The following PRKG1 variants were observed in gnomAD, a reference collection of about 807,000 sequenced individuals.
PRKG1 encodes the protein cGMP-dependent protein kinase 1.
A neutral mutation model predicts 88.1 loss-of-function variants in PRKG1; 35 were observed. That is an observed-to-expected ratio of 0.40 (90% confidence interval 0.30 to 0.53). PRKG1 has a LOEUF of 0.53. Among genes scored for constraint, PRKG1 ranks in the 20% least tolerant of loss-of-function variants. The probability of loss-of-function intolerance (pLI) is 0.59; values close to 1 mark genes in which losing one functional copy is unlikely to be tolerated. For synonymous variants in PRKG1, 303 were observed against 292.5 expected, an observed-to-expected ratio of 1.04 and a Z score of -0.37; for missense variants, 540 against 839.8, an observed-to-expected ratio of 0.64 and a Z score of 4.41.
At chr10:51,952,078 A>G (rs1843198467) in intron 5 of PRKG1, among the ~76,000 whole-genome samples, 1 of 152,218 alleles carries the variant, frequency 6.6e-6, no homozygotes, top group African/African-American at 2.4e-5. Flanking sequence ...ACTGGCCTAC[A>G]AAGCCTAAAA....
intron 2 of PRKG1, among the ~76,000 whole-genome samples, chr10:51,420,512 C>T (rs372563976): frequency 6.6e-6 from 1 of 152,074 alleles, no homozygotes; most frequent in Non-Finnish European, 1.5e-5. Flanking sequence ...GCCCAGCCCA[C>T]GTCCCTAAAC....
chr10:51,259,864 T>C, intron 2 of PRKG1, among the ~76,000 whole-genome samples: 1 of 152,330 alleles, frequency 6.6e-6, no homozygotes, highest in East Asian at 1.9e-4. Context: ...GTATAAACTA[T>C]AAAAACATGT....
intron 1 of PRKG1, among the ~76,000 whole-genome samples, chr10:51,126,236 A>C (rs12765295): frequency 8.7e-6 from 1 of 115,174 alleles, no homozygotes; most frequent in Non-Finnish European, 1.6e-5. Context: ...TATATTTATA[A>C]TTATATATTT....
At chr10:51,433,427 G>A (rs1288730255) in intron 2 of PRKG1, among the ~76,000 whole-genome samples, 1 of 152,032 alleles carries the variant, frequency 6.6e-6, no homozygotes, top group Non-Finnish European at 1.5e-5. Flanking sequence ...CTATATAAAA[G>A]GATTTGGTTG....
chr10:51,421,145 T>C (rs918179139), intron 2 of PRKG1, among the ~76,000 whole-genome samples: 5 of 151,292 alleles, frequency 3.3e-5, no homozygotes, highest in Non-Finnish European at 7.4e-5. Flanking sequence ...GCTATGGCAC[T>C]CTGTGCCTTT....
chr10:51,149,498 A>T (rs896210511), intron 1 of PRKG1, among the ~76,000 whole-genome samples: 3 of 152,156 alleles, frequency 2.0e-5, no homozygotes, highest in Admixed American at 2.0e-4. Flanking sequence ...TCTCTGTAAT[A>T]AGTAAATGGG....
chr10:52,169,957 T>C (rs776259775), intron 9 of PRKG1, among the ~76,000 whole-genome samples: 4 of 152,144 alleles, frequency 2.6e-5, no homozygotes, highest in Non-Finnish European at 5.9e-5. Flanking sequence ...TGAGACCATC[T>C]CCACGGATAA....
chr10:52,036,707 G>A (rs2133220900), intron 5 of PRKG1, among the ~76,000 whole-genome samples: 1 of 152,238 alleles, frequency 6.6e-6, no homozygotes, highest in African/African-American at 2.4e-5. Context: ...AATAGTCAGG[G>A]AAGCAGACAA....
At chr10:52,017,975 A>G (rs2133184921) in intron 5 of PRKG1, among the ~76,000 whole-genome samples, 1 of 152,150 alleles carries the variant, frequency 6.6e-6, no homozygotes, top group African/African-American at 2.4e-5. Context: ...CTTTTCTCCT[A>G]TTTTCTGGGC....
intron 3 of PRKG1, among the ~76,000 whole-genome samples, chr10:51,683,318 TCAAAACAAAACAAAA>T (rs201618594): frequency 2.7e-5 from 4 of 150,934 alleles, no homozygotes; most frequent in Non-Finnish European, 4.4e-5. Flanking sequence ...AGGCTCTGTC[TCAAAACAAAACAAAA>T]CAAAACAAAA....
chr10:51,531,990 A>G (rs1842030664), intron 3 of PRKG1, among the ~76,000 whole-genome samples: 1 of 152,152 alleles, frequency 6.6e-6, no homozygotes, highest in Admixed American at 6.5e-5. Flanking sequence ...GATTTCTGCT[A>G]GTCCCAGTCT....
chr10:51,384,360 C>T (rs568854787), intron 2 of PRKG1, among the ~76,000 whole-genome samples: 1 of 152,222 alleles, frequency 6.6e-6, no homozygotes, highest in East Asian at 1.9e-4. Context: ...CCATAGGAGC[C>T]TGAGACCTCA....
chr10:52,252,911 C>T (rs529596403), intron 10 of PRKG1: 60 of 151,498 alleles, frequency 4.0e-4, no homozygotes, highest in African/African-American at 1.3e-3. Flanking sequence ...TTAATGTAGC[C>T]ATGGATTTAT....
chr10:51,180,274 T>G (rs1837309549), intron 2 of PRKG1, among the ~76,000 whole-genome samples: 2 of 152,214 alleles, frequency 1.3e-5, no homozygotes, highest in African/African-American at 2.4e-5. Context: ...TCTGTACATG[T>G]AAGGGCTGCT....
rs145021796 is a variant in PRKG1 at position 52,296,321 on chromosome 10, A to G, written c.*2421A>G. On this transcript the variant is annotated 3_prime_UTR_variant, in exon 18 of 18. Coordinates refer to ENST00000373980, the MANE Select transcript of PRKG1 (RefSeq NM_006258.4). ...AGTAGCATTCAGCACAAGAAACTGT[A>G]GATTGTTTCTCCCACTTGTTACTGC... 22 of 152,186 alleles carry G rather than the reference A, an allele frequency of 1.4e-4. No homozygotes were observed. The highest frequency in any genetic ancestry group is 3.4e-3 in the Middle Eastern group (1 of 294). The allele number at this position is 152,186 out of a possible 1,614,324, so 9.4% of individuals were successfully genotyped here. A position where few individuals can be genotyped will look rare whatever the true frequency, so the allele number is the denominator to read the frequency against.
chr10:52,069,542 G>A (rs1049852293), intron 7 of PRKG1, among the ~76,000 whole-genome samples: 10 of 136,564 alleles, frequency 7.3e-5, no homozygotes, highest in Non-Finnish European at 1.2e-4. Flanking sequence ...AAACAAAAAA[G>A]AAAAGATAAA....
intron 3 of PRKG1, among the ~76,000 whole-genome samples, chr10:51,763,800 G>A (rs1196207748): frequency 6.6e-6 from 1 of 151,858 alleles, no homozygotes; most frequent in Non-Finnish European, 1.5e-5. Context: ...AAGTCAAGGG[G>A]CTGTACTTAG....
intron 1 of PRKG1, among the ~76,000 whole-genome samples, chr10:51,084,335 G>A (rs1203271863): frequency 1.3e-5 from 2 of 152,134 alleles, no homozygotes; most frequent in Non-Finnish European, 2.9e-5. Context: ...AGAAGTTGGT[G>A]GTAGGACACT....
At chr10:51,613,755 G>A (rs1007318438) in intron 3 of PRKG1, among the ~76,000 whole-genome samples, 1 of 151,746 alleles carries the variant, frequency 6.6e-6, no homozygotes, top group Non-Finnish European at 1.5e-5. Flanking sequence ...GGTCACTCAA[G>A]AACATGTTGT....
Sources: gnomAD v4.1 joint callset for allele counts (sites outside exome capture counted in the v4.1 genomes callset) on GRCh38, gnomAD v4.1.1 for gene constraint, MANE v1.5 for transcripts, NCBI Gene and HGNC (gene_info 2026-07-23, HGNC 2026-07-21) for gene names.